TNFRSF25: variants seen among roughly 807,000 people sequenced by gnomAD.
TNFRSF25 encodes tumor necrosis factor receptor superfamily member 25.
A neutral mutation model predicts 49.4 loss-of-function variants in TNFRSF25; 28 were observed. That is an observed-to-expected ratio of 0.57 (90% confidence interval 0.42 to 0.78). The LOEUF is 0.78. Ranked by LOEUF, TNFRSF25 falls within the 30% of genes least tolerant of loss-of-function variation. The probability of loss-of-function intolerance (pLI) is 0.00; values close to 1 mark genes in which losing one functional copy is unlikely to be tolerated. For synonymous variants in TNFRSF25, 240 were observed against 234.2 expected (o/e 1.02, Z -0.23); for missense variants, 531 against 581.6 (o/e 0.91, Z 0.90).
Position 6,462,023 on chromosome 1 carries a change from G to A in TNFRSF25, c.896C>T (p.Ser299Phe). 6.2e-7 allele frequency: 1 copy of A among 1,612,568 alleles called. No individual in the cohort carries two copies. The highest frequency in any genetic ancestry group is 8.5e-7 in the Non-Finnish European group (1 of 1,179,638). Residue 299 changes from serine to phenylalanine, a missense_variant, in exon 9 of 10, where the codon TCC (serine) becomes TTC (phenylalanine). Transcript: ENST00000356876. This position sits in a 1 kb window ranked among gnomAD's most constrained non-coding sequence, Gnocchi z 4.2. The stretch of plus-strand genomic sequence containing the variant: ...AGCTCTGCTGGGCAACTGGTCCCAG[G>A]ACCATGTCACCTGCGGGCAGAGCGC... ...QEALCPQVTW[S>F]WDQLPSRALG...
chr1:6,465,504 C>T lies in TNFRSF25; in HGVS notation c.96G>A (p.Arg32=), dbSNP rs984292656. ...ARAQGGTRSP[R]CDCAGDFHKK... is the part of the protein sequence containing the mutation. Reference sequence around the variant, plus strand: ...TGTGGAAGTCACCGGCACAGTCACACCTGGGGCTACGAGTGCCGCCCTGGG... The same window carrying T: ...TGTGGAAGTCACCGGCACAGTCACATCTGGGGCTACGAGTGCCGCCCTGGG... The change falls in exon 2 of 10, where the codon AGG becomes AGA. Residue 32 remains arginine, a synonymous_variant. Transcript: ENST00000356876. The T allele has an allele frequency of 2.2e-5, 36 of 1,613,788 alleles. No individual in the cohort carries two copies. The highest frequency in any genetic ancestry group is 1.6e-4 in the Middle Eastern group (1 of 6,084).
rs140799809 is a variant in TNFRSF25, at chr1:6,462,041, C to T, written c.878G>A (p.Cys293Tyr). ...PGYPETQEAL[C>Y]PQVTWSWDQL... The stretch of plus-strand genomic sequence containing the variant: ...GTCCCAGGACCATGTCACCTGCGGG[C>T]AGAGCGCCTCCTGGGTCTCGGGGTA... Residue 293 changes from cysteine (C) to tyrosine (Y), a missense_variant, in exon 9 of 10, where the codon TGC becomes TAC. By Grantham distance (194) the Cys-to-Tyr change is radical (BLOSUM62 -2). Transcript: ENST00000356876. The surrounding 1 kb of genome is among the most constrained non-coding windows in gnomAD (Gnocchi z 4.2). The T allele has an allele frequency of 5.6e-6, 9 of 1,613,174 alleles. No individual in the cohort carries two copies. In the African/African-American group the frequency reaches 1.1e-4, roughly 19 times the overall value.
intron 3 of TNFRSF25, 56 bp downstream of exon 3, chr1:6,465,032 C>T (rs1644303327): frequency 4.5e-6 from 7 of 1,569,118 alleles, no homozygotes; most frequent in Non-Finnish European, 5.2e-6. Flanking sequence ...CCAGCCACTT[C>T]CTTCAGAAAG....
In TNFRSF25 at chr1:6,461,749, C is replaced by T. The variant is rs1206128403; in HGVS notation, c.939G>A (p.Ala313=). 6.5e-7 allele frequency: 1 copy of T among 1,530,244 alleles called. No homozygotes were observed. Among genetic ancestry groups the T allele is most frequent in the South Asian group, 1.2e-5 (1 of 84,264 alleles). The allele number at this position is 1,530,244 out of a possible 1,614,324, so 94.8% of individuals were successfully genotyped here. A position where few individuals can be genotyped will look rare whatever the true frequency, so the allele number is the denominator to read the frequency against. The stretch of plus-strand genomic sequence containing the variant: ...CTGGGGACTCTGGCGAGAGTGTGGG[C>T]GCAGCAGCGGGGCCTGGGGCAGGGC... ...LPSRALGPAA[A]PTLSPESPAG... Residue 313 remains alanine, a synonymous_variant, in exon 10 of 10, where the codon GCG becomes GCA. Transcript: ENST00000356876. This position sits in a 1 kb window ranked among gnomAD's most constrained non-coding sequence, Gnocchi z 6.3.
Position 6,464,372 on chromosome 1 carries a change from T to TA in TNFRSF25, c.542+2dup. On this transcript the variant is annotated splice_region_variant and intron_variant, in intron 5 of 9. Coordinates refer to ENST00000356876, the MANE Select transcript of TNFRSF25 (RefSeq NM_003790.3). ...CCTCCATCCCACGACAGCTAGGAATTACGTGGGGCAGGACACGCAGCCATC... is the reference window on the plus strand; with the variant it reads ...CCTCCATCCCACGACAGCTAGGAATTAACGTGGGGCAGGACACGCAGCCATC... 1 of 1,605,972 alleles carries TA rather than the reference T, an allele frequency of 6.2e-7. No individual in the cohort carries two copies. The highest frequency in any genetic ancestry group is 8.5e-7 in the Non-Finnish European group (1 of 1,176,678).
Position 6,461,824 on chromosome 1 carries a change from G to C in TNFRSF25, c.926-62C>G. 6.8e-7 allele frequency: 1 copy of C among 1,461,048 alleles called. No individual in the cohort carries two copies. The highest frequency in any genetic ancestry group is 9.0e-7 in the Non-Finnish European group (1 of 1,108,016). 90.5% of individuals were successfully genotyped at this position (1,461,048 alleles called of 1,614,324 possible). ...GGGCCGCGGTCGGGAGGCAGAGTCAGGGGCGTTCGTGCGGGTACCCCAGGG... is the reference window on the plus strand; with the variant it reads ...GGGCCGCGGTCGGGAGGCAGAGTCACGGGCGTTCGTGCGGGTACCCCAGGG... On this transcript the variant is annotated intron_variant, in intron 9 of 9. Coordinates refer to ENST00000356876, the MANE Select transcript of TNFRSF25 (RefSeq NM_003790.3). This position sits in a 1 kb window ranked among gnomAD's most constrained non-coding sequence, Gnocchi z 6.3.
rs1644163698 is a variant in TNFRSF25, at chr1:6,461,280, A to G, written c.*154T>C. The G allele has an allele frequency of 3.1e-6, 3 of 957,840 alleles. No individual in the cohort carries two copies. The highest frequency in any genetic ancestry group is 1.4e-5 in the South Asian group (1 of 71,458). 59.3% of individuals were successfully genotyped at this position (957,840 alleles called of 1,614,324 possible). ...GTGCTTCTTCGCCTTGGCTGGAGCG[A>G]TAGGGGCGAGCAGGGGTGGGGCCGG... On this transcript the variant is annotated 3_prime_UTR_variant, in exon 10 of 10. Coordinates refer to ENST00000356876, the MANE Select transcript of TNFRSF25 (RefSeq NM_003790.3). This position sits in a 1 kb window ranked among gnomAD's most constrained non-coding sequence, Gnocchi z 6.3.
In TNFRSF25 at chr1:6,461,244, G is replaced by A; in HGVS notation, c.*190C>T. 1 of 769,480 alleles carries A rather than the reference G, an allele frequency of 1.3e-6. No homozygotes were observed. Among genetic ancestry groups the A allele is most frequent in the Non-Finnish European group, 2.3e-6 (1 of 433,896 alleles). 47.7% of individuals were successfully genotyped at this position (769,480 alleles called of 1,614,324 possible). On this transcript the variant is annotated 3_prime_UTR_variant, in exon 10 of 10. Transcript: ENST00000356876. The surrounding 1 kb of genome is among the most constrained non-coding windows in gnomAD (Gnocchi z 6.3). ...TTGAGAAATGTCTTCACCCCCTCTCGACATTCGTTCGTGCTTCTTCGCCTT... is the reference window on the plus strand; with the variant it reads ...TTGAGAAATGTCTTCACCCCCTCTCAACATTCGTTCGTGCTTCTTCGCCTT...
rs750788575 is a variant in TNFRSF25, at chr1:6,462,140, G to T, written c.779C>A (p.Thr260Asn). The T allele has an allele frequency of 2.5e-6, 4 of 1,613,104 alleles. No individual in the cohort carries two copies. The South Asian group carries it at 3.3e-5, about 13-fold the overall frequency. The stretch of plus-strand genomic sequence containing the variant: ...ACTGCTGTCAGGAGGTGCTAGAAGG[G>T]TGTGGGCGCTGTCCAAGGGTGACAG... ...THLSPLDSAH[T>N]LLAPPDSSEK... Residue 260 changes from threonine to asparagine, a missense_variant, in exon 9 of 10, where the codon ACC (threonine) becomes AAC (asparagine). By Grantham distance (65) the Thr-to-Asn change is moderately conservative. Coordinates refer to ENST00000356876, the MANE Select transcript of TNFRSF25 (RefSeq NM_003790.3). The surrounding 1 kb of genome is among the most constrained non-coding windows in gnomAD (Gnocchi z 4.2).
rs1455514754 is a variant in TNFRSF25 at position 6,465,170 on chromosome 1, A to G, written c.213T>C (p.Leu71=). 1.9e-6 allele frequency: 3 copies of G among 1,613,762 alleles called. No homozygotes were observed. Among genetic ancestry groups the G allele is most frequent in the Middle Eastern group, 3.4e-4 (2 of 5,834 alleles). Residue 71 remains leucine (L), a synonymous_variant, in exon 3 of 10, where the codon CTT becomes CTC. Transcript: ENST00000356876. The stretch of plus-strand genomic sequence containing the variant: ...CCAAGAAGGTGTCTTGGGGACACAC[A>G]AGGCAGGTGGAGTTGCCGCAGGGCT... ...CTEPCGNSTC[L]VCPQDTFLAW...
chr1:6,463,143 G>A lies in TNFRSF25; in HGVS notation c.543-16C>T. On this transcript the variant is annotated splice_polypyrimidine_tract_variant and intron_variant, in intron 5 of 9. Coordinates refer to ENST00000356876, the MANE Select transcript of TNFRSF25 (RefSeq NM_003790.3). ...CAGGGTGCTCCTGCAAGGGACGGGG[G>A]TGGCCTGAGGGATGAGGGGGTGCAT... 6 of 1,550,530 alleles carry A rather than the reference G, an allele frequency of 3.9e-6. No individual in the cohort carries two copies. Among genetic ancestry groups the A allele is most frequent in the Non-Finnish European group, 5.2e-6 (6 of 1,146,402 alleles).
chr1:6,461,902 A>T lies in TNFRSF25; in HGVS notation c.925+92T>A. On this transcript the variant is annotated intron_variant, in intron 9 of 9. Transcript: ENST00000356876. The surrounding 1 kb of genome is among the most constrained non-coding windows in gnomAD (Gnocchi z 6.3). ...GGGCATAGGGCGGACTCCGTCAGTTAGGGGGCAGAAAGGGAACACGTTGTG... is the reference window on the plus strand; with the variant it reads ...GGGCATAGGGCGGACTCCGTCAGTTTGGGGGCAGAAAGGGAACACGTTGTG... The T allele has an allele frequency of 6.6e-7, 1 of 1,504,568 alleles. No homozygotes were observed. Among genetic ancestry groups the T allele is most frequent in the Non-Finnish European group, 8.8e-7 (1 of 1,130,734 alleles). 93.2% of individuals were successfully genotyped at this position (1,504,568 alleles called of 1,614,324 possible).
chr1:6,462,328 G>A lies in TNFRSF25; in HGVS notation c.745-154C>T. ...TTGGCCCTGCTCTCACTGTAGCCCA[G>A]CAGAACTCTTGCTTCTGCCTTGAGT... is the stretch of plus-strand genomic sequence containing the variant. On this transcript the variant is annotated intron_variant, in intron 8 of 9. Transcript: ENST00000356876. The surrounding 1 kb of genome is among the most constrained non-coding windows in gnomAD (Gnocchi z 4.2). 8.4e-7 allele frequency: 1 copy of A among 1,192,566 alleles called. No individual in the cohort carries two copies. The highest frequency in any genetic ancestry group is 1.1e-6 in the Non-Finnish European group (1 of 874,296). The allele number at this position is 1,192,566 out of a possible 1,614,324, so 73.9% of individuals were successfully genotyped here.
chr1:6,464,125 G>A (rs1268791523), intron 5 of TNFRSF25: 4 of 1,377,002 alleles, frequency 2.9e-6, no homozygotes, highest in Non-Finnish European at 3.8e-6. Context: ...TGTAATATCT[G>A]GCTAGGATCG....
Position 6,464,517 on chromosome 1 carries a change from T to C in TNFRSF25, c.463+35A>G, listed in dbSNP as rs773445841. On this transcript the variant is annotated intron_variant, in intron 4 of 9. Transcript: ENST00000356876. The stretch of plus-strand genomic sequence containing the variant: ...AGTGGGTCAGGCAGGGAGAAGGGGG[T>C]CTGGGAGTAGAGAGCCCTGGGTGGG... 2.5e-6 allele frequency: 4 copies of C among 1,611,936 alleles called. No homozygotes were observed. The African/African-American group carries it at 5.4e-5, about 22-fold the overall frequency.
At position 6,463,131 on chromosome 1, in the gene TNFRSF25, C is replaced by G; in HGVS notation, c.543-4G>C. On this transcript the variant is annotated splice_polypyrimidine_tract_variant and splice_region_variant and intron_variant, in intron 5 of 9. Transcript: ENST00000356876. ...TGGACAGCTCCCCAGGGTGCTCCTG[C>G]AAGGGACGGGGGTGGCCTGAGGGAT... 6.4e-7 allele frequency: 1 copy of G among 1,551,388 alleles called. No homozygotes were observed. Among genetic ancestry groups the G allele is most frequent in the Non-Finnish European group, 8.7e-7 (1 of 1,146,914 alleles).
Position 6,461,566 on chromosome 1 carries a change from C to A in TNFRSF25, c.1122G>T (p.Gln374His). The stretch of plus-strand genomic sequence containing the variant: ...GCCAGCGCTTGAGCATCTCGTACTG[C>A]TGGTCTCGGAAGCGGCCGATCTCCA... ...VEVEIGRFRD[Q>H]QYEMLKRWRQ... Residue 374 changes from glutamine to histidine, a missense_variant, in exon 10 of 10, where the codon CAG (glutamine) becomes CAT (histidine). Coordinates refer to ENST00000356876, the MANE Select transcript of TNFRSF25 (RefSeq NM_003790.3). This position sits in a 1 kb window ranked among gnomAD's most constrained non-coding sequence, Gnocchi z 6.3. 1 of 1,610,396 alleles carries A rather than the reference C, an allele frequency of 6.2e-7. No individual in the cohort carries two copies. Among genetic ancestry groups the A allele is most frequent in the Non-Finnish European group, 8.5e-7 (1 of 1,179,472 alleles).
rs927854934 is a variant in TNFRSF25, at chr1:6,462,256, G to A, written c.745-82C>T. 1.3e-6 allele frequency: 2 copies of A among 1,498,424 alleles called. No homozygotes were observed. Among genetic ancestry groups the A allele is most frequent in the Admixed American group, 4.3e-5 (2 of 46,006 alleles). 92.8% of individuals were successfully genotyped at this position (1,498,424 alleles called of 1,614,324 possible). A position where few individuals can be genotyped will look rare whatever the true frequency, so the allele number is the denominator to read the frequency against. On this transcript the variant is annotated intron_variant, in intron 8 of 9. Coordinates refer to ENST00000356876, the MANE Select transcript of TNFRSF25 (RefSeq NM_003790.3). This position sits in a 1 kb window ranked among gnomAD's most constrained non-coding sequence, Gnocchi z 4.2. ...CGCAGTGCCTCTCCAGGAGGGGACA[G>A]TCCCTGGTTCAGTCAGCAGACACCC...
At chr1:6,465,921 C>A in intron 1 of TNFRSF25, 148 bp downstream of exon 1, 1 of 1,444,660 alleles carries the variant, frequency 6.9e-7, no homozygotes, top group Non-Finnish European at 9.1e-7. Flanking sequence ...GGGCTACGCC[C>A]TGGAGGAGCC....
Sources: gnomAD v4.1 joint callset for allele counts on GRCh38, gnomAD v4.1.1 for gene constraint, Gnocchi (gnomAD v3.1) non-coding constraint, MANE v1.5 for transcripts, NCBI Gene and HGNC (gene_info 2026-07-23, HGNC 2026-07-21) for gene names.